The following ARL10 variants were observed in gnomAD, a reference collection of about 807,000 sequenced individuals.
ARL10 encodes the protein ADP-ribosylation factor-like protein 10.
A neutral mutation model predicts 26.1 loss-of-function variants in ARL10; 23 were observed. That is an observed-to-expected ratio of 0.88 (90% confidence interval 0.63 to 1.25). ARL10 has a LOEUF of 1.25. ARL10 is among the 50% of genes most tolerant of loss of function. The pLI is 0.00. For synonymous variants in ARL10, 138 were observed against 149.1 expected, an observed-to-expected ratio of 0.93 and a Z score of 0.54; for missense variants, 300 against 323.6, an observed-to-expected ratio of 0.93 and a Z score of 0.56.
chr5:176,406,978 G>C, the ARL10 span, among the ~76,000 whole-genome samples: 8 of 152,314 alleles, frequency 5.3e-5, no homozygotes, highest in East Asian at 1.5e-3. Flanking sequence ...GAGTGATTCA[G>C]CTCATCTGTG....
chr5:176,410,882 T>C, the ARL10 span, among the ~76,000 whole-genome samples: 1 of 152,202 alleles, frequency 6.6e-6, no homozygotes, highest in Non-Finnish European at 1.5e-5. Context: ...AGGAATTAAG[T>C]TTGCCCTCAG....
At chr5:176,392,958 A>G, downstream of ARL10, 2 of 1,613,826 alleles carry the variant, frequency 1.2e-6, no homozygotes, top group Non-Finnish European at 1.7e-6. This position sits in a 1 kb window ranked among gnomAD's most constrained non-coding sequence, Gnocchi z 5.2. Context: ...GCGGGTGGAG[A>G]TAGGACGGGC....
downstream of ARL10, chr5:176,384,245 T>C (rs374069039): frequency 6.2e-7 from 1 of 1,614,206 alleles, no homozygotes; most frequent in Non-Finnish European, 8.5e-7. Context: ...TCCACCTCCA[T>C]CTTCCTCTTC....
At chr5:176,369,595 T>G (rs2113549009) in intron 3 of ARL10, among the ~76,000 whole-genome samples, 1 of 152,288 alleles carries the variant, frequency 6.6e-6, no homozygotes, top group South Asian at 2.1e-4. Context: ...AAGTATGGGA[T>G]GCTATTCCCA....
At chr5:176,396,344 G>A in intron 1 of ARL10, 1 of 799,336 alleles carries the variant, frequency 1.3e-6, no homozygotes, top group Non-Finnish European at 2.2e-6. Context: ...ACCCACCAGG[G>A]CATTTGCCTC....
the ARL10 span, among the ~76,000 whole-genome samples, chr5:176,409,536 C>G: frequency 6.6e-6 from 1 of 151,576 alleles, no homozygotes; most frequent in African/African-American, 2.4e-5. Context: ...GCCTTAGCCT[C>G]CCGAGTAGCT....
At chr5:176,367,441 C>T (rs1054201622) in intron 2 of ARL10, among the ~76,000 whole-genome samples, 2 of 152,224 alleles carry the variant, frequency 1.3e-5, no homozygotes, top group African/African-American at 4.8e-5. Context: ...GCACCACAGC[C>T]TCCTCTTTGG....
At position 176,371,907 on chromosome 5, in the gene ARL10, C is replaced by G. The variant is rs1768559976; in HGVS notation, c.*12C>G. 6.2e-7 allele frequency: 1 copy of G among 1,612,376 alleles called. No individual in the cohort carries two copies. Among genetic ancestry groups the G allele is most frequent in the African/African-American group, 1.3e-5 (1 of 75,006 alleles). On this transcript the variant is annotated 3_prime_UTR_variant, in exon 4 of 4. Coordinates refer to ENST00000310389, the MANE Select transcript of ARL10 (RefSeq NM_173664.6). Reference sequence around the variant, plus strand: ...AGCTCCTCTCCTAGGCTGGAGCTCTCCTGCTTGCCACCTGCCTGTCAAGAC... The same window carrying G: ...AGCTCCTCTCCTAGGCTGGAGCTCTGCTGCTTGCCACCTGCCTGTCAAGAC...
chr5:176,388,479 G>A, exon 2 of ARL10: 2 of 1,614,216 alleles, frequency 1.2e-6, no homozygotes, highest in South Asian at 2.2e-5. Context: ...CGGTTCAGAC[G>A]CTTTCGGTTG....
At chr5:176,390,163 C>T (rs867815902), downstream of ARL10, among the ~76,000 whole-genome samples, 156 of 94,888 alleles carry the variant, frequency 1.6e-3, no homozygotes, top group African/African-American at 6.3e-3. Flanking sequence ...GCCTGGGCAA[C>T]AAGAGCAAAA....
chr5:176,407,788 G>T, the ARL10 span, among the ~76,000 whole-genome samples: 1 of 152,196 alleles, frequency 6.6e-6, no homozygotes, highest in East Asian at 1.9e-4. Context: ...GGCCCAACTA[G>T]ACATGAAGCT....
chr5:176,391,069 A>G (rs890260279), downstream of ARL10, among the ~76,000 whole-genome samples: 1 of 152,174 alleles, frequency 6.6e-6, no homozygotes, highest in African/African-American at 2.4e-5. Flanking sequence ...AAAGGGAGTG[A>G]AGACACACCC....
In ARL10 at chr5:176,379,476, A is replaced by G. The variant is rs543481589; in HGVS notation, c.*7581A>G. On this transcript the variant is annotated 3_prime_UTR_variant, in exon 4 of 4. Coordinates refer to ENST00000310389, the MANE Select transcript of ARL10 (RefSeq NM_173664.6). ...CTTGAGTAAGAACTCCTGATGCCTG[A>G]TTGTTATGTTTATGAACAAACAAGG... 2 of 152,262 alleles carry G rather than the reference A, an allele frequency of 1.3e-5. No homozygotes were observed. Among genetic ancestry groups the G allele is most frequent in the South Asian group, 4.1e-4 (2 of 4,824 alleles). The allele number at this position is 152,262 out of a possible 1,614,324, so 9.4% of individuals were successfully genotyped here. A position where few individuals can be genotyped will look rare whatever the true frequency, so the allele number is the denominator to read the frequency against.
chr5:176,384,904 G>A, downstream of ARL10: 1 of 546,566 alleles, frequency 1.8e-6, no homozygotes, highest in Non-Finnish European at 3.2e-6. Context: ...TCTTTCAACT[G>A]TTAAAGGAAG....
At position 176,365,751 on chromosome 5, in the gene ARL10, G is replaced by C; in HGVS notation, c.183+5G>C. On this transcript the variant is annotated splice_donor_5th_base_variant and intron_variant, in intron 1 of 3. Coordinates refer to ENST00000310389, the MANE Select transcript of ARL10 (RefSeq NM_173664.6). Reference sequence around the variant, plus strand: ...CCCGAGTGGGACGAGTGGGACGTGAGTGCCGGGCCGAGGCCTGCGGAAGGG... The same window carrying C: ...CCCGAGTGGGACGAGTGGGACGTGACTGCCGGGCCGAGGCCTGCGGAAGGG... 8.1e-7 allele frequency: 1 copy of C among 1,235,300 alleles called. No homozygotes were observed. Among genetic ancestry groups the C allele is most frequent in the Non-Finnish European group, 1.0e-6 (1 of 989,106 alleles). The allele number at this position is 1,235,300 out of a possible 1,614,324, so 76.5% of individuals were successfully genotyped here. A position where few individuals can be genotyped will look rare whatever the true frequency, so the allele number is the denominator to read the frequency against.
chr5:176,391,494 C>A (rs1756261980), downstream of ARL10, among the ~76,000 whole-genome samples: 1 of 152,140 alleles, frequency 6.6e-6, no homozygotes, highest in African/African-American at 2.4e-5. Context: ...TGCCTGTAGT[C>A]CCAGCTACCT....
At chr5:176,388,705 G>T, downstream of ARL10, 1 of 1,449,914 alleles carries the variant, frequency 6.9e-7, no homozygotes. Flanking sequence ...AGGATGCAAC[G>T]AGCATTTGCG....
At chr5:176,386,955 G>A in intron 1 of ARL10, 1 of 1,521,318 alleles carries the variant, frequency 6.6e-7, no homozygotes, top group Non-Finnish European at 9.1e-7. Flanking sequence ...TTTGATGAGG[G>A]AAAGTTATAG....
In ARL10 at chr5:176,368,998, G is replaced by A. The variant is rs1401577661; in HGVS notation, c.561+16G>A. 12 of 1,613,016 alleles carry A rather than the reference G, an allele frequency of 7.4e-6. No homozygotes were observed. The highest frequency in any genetic ancestry group is 1.0e-5 in the Non-Finnish European group (12 of 1,179,810). On this transcript the variant is annotated intron_variant, in intron 3 of 3. Coordinates refer to ENST00000310389, the MANE Select transcript of ARL10 (RefSeq NM_173664.6). This position sits in a 1 kb window ranked among gnomAD's most constrained non-coding sequence, Gnocchi z 4.1. ...CAACAAGCAGGTGAGGGCTGTGAGA[G>A]GGCAGCTCGGTCCAGGTGACATCCA...
Sources: gnomAD v4.1 joint callset for allele counts (sites outside exome capture counted in the v4.1 genomes callset) on GRCh38, gnomAD v4.1.1 for gene constraint, Gnocchi (gnomAD v3.1) non-coding constraint, MANE v1.5 for transcripts, NCBI Gene and HGNC (gene_info 2026-07-23, HGNC 2026-07-21) for gene names.